The following PCNT variants were observed in gnomAD, a reference collection of about 807,000 sequenced individuals.
PCNT encodes pericentrin, also known as kendrin.
Under a neutral mutation model 380.4 loss-of-function variants are expected in PCNT, and 319 were observed. That is an observed-to-expected ratio of 0.84 (90% confidence interval 0.77 to 0.92). PCNT has a LOEUF of 0.92. PCNT is among the 40% of genes least tolerant of loss of function. PCNT has a pLI of 0.00. For missense variants in PCNT, 4,400 were observed against 4,255.3 expected (o/e 1.03, Z -0.95); for synonymous variants, 1,845 against 1,735.2 (o/e 1.06, Z -1.57).
intron 37 of PCNT, 88 bp downstream of exon 37, chr21:46,430,745 G>C: frequency 6.5e-7 from 1 of 1,544,244 alleles, no homozygotes; most frequent in South Asian, 1.2e-5. Context: ...TTCTTTTCCT[G>C]TTCTTCATGG....
intron 32 of PCNT, among the ~76,000 whole-genome samples, chr21:46,424,042 C>T (rs1396433972): frequency 6.6e-6 from 1 of 152,152 alleles, no homozygotes; most frequent in African/African-American, 2.4e-5. Context: ...ACACTGACGC[C>T]GCAGTGGGGA....
Position 46,401,711 on chromosome 21 carries a change from G to A in PCNT, c.4952G>A (p.Arg1651His), listed in dbSNP as rs908322773. The change falls in exon 26 of 47, where the codon CGC (arginine) becomes CAC (histidine). Residue 1651 changes from arginine to histidine, a missense_variant. By Grantham distance (29) the Arg-to-His change is conservative (BLOSUM62 0). Coordinates refer to ENST00000359568, the MANE Select transcript of PCNT (RefSeq NM_006031.6). ...GTGACACAGAGAGCACTCCTGCGGC[G>A]CGAGAGCGAGGTGAGTGCAGAGTGG... ...LEVTQRALLR[R>H]ESEVLDLKEQ... The A allele has an allele frequency of 1.2e-5, 20 of 1,614,004 alleles. No individual in the cohort carries two copies. Among genetic ancestry groups the A allele is most frequent in the South Asian group, 4.4e-5 (4 of 91,068 alleles).
At chr21:46,412,714 A>T in intron 28 of PCNT, 123 bp from the exon 29 acceptor site, 1 of 1,025,732 alleles carries the variant, frequency 9.7e-7, no homozygotes, top group Non-Finnish European at 1.5e-6. Context: ...TGTGGATGTC[A>T]CTGCCACCTC....
intron 31 of PCNT, among the ~76,000 whole-genome samples, chr21:46,420,143 T>C (rs1745733470): frequency 1.3e-5 from 2 of 151,910 alleles, no homozygotes; most frequent in Non-Finnish European, 2.9e-5. Flanking sequence ...CCTCTGTGCC[T>C]GCGCCCTCCA....
chr21:46,413,264 TG>T lies in PCNT; in HGVS notation c.6150+275del, dbSNP rs1569272584. Among the ~76,000 whole-genome samples, 15 of 106,308 alleles carry T rather than the reference TG, an allele frequency of 1.4e-4. 1 individual carries two copies. The highest frequency in any genetic ancestry group is 7.1e-4 in the African/African-American group (15 of 21,050). The allele number at this position is 106,308 out of a possible 152,430, so 69.7% of individuals were successfully genotyped here. A position where few individuals can be genotyped will look rare whatever the true frequency, so the allele number is the denominator to read the frequency against. On this transcript the variant is annotated intron_variant, in intron 29 of 46. Coordinates refer to ENST00000359568, the MANE Select transcript of PCNT (RefSeq NM_006031.6). ...GGAGGGGGAAGGCGTGAGGCCCCCC[TG>T]GGAGAGGCTGGACACGCGGCAGCAA...
chr21:46,349,594 A>C, intron 7 of PCNT, 90 bp from the exon 8 acceptor site: 1 of 1,394,216 alleles, frequency 7.2e-7, no homozygotes, highest in Non-Finnish European at 1.0e-6. Context: ...TCTGGGTGGC[A>C]GCGCTCTGGG....
intron 2 of PCNT, among the ~76,000 whole-genome samples, chr21:46,328,049 G>A (rs1191873296): frequency 6.6e-6 from 1 of 152,226 alleles, no homozygotes; most frequent in Non-Finnish European, 1.5e-5. Flanking sequence ...TGCTGCAGCA[G>A]AATGGGTGCA....
chr21:46,390,835 G>A lies in PCNT; in HGVS notation c.4003+3G>A. ...GCTGGAGCTGCACAAGACTCAGGGT[G>A]AGCAGCATGAGGCCTCGGGGCACCT... On this transcript the variant is annotated splice_donor_region_variant and intron_variant, in intron 20 of 46. Transcript: ENST00000359568. 5 of 1,606,938 alleles carry A rather than the reference G, an allele frequency of 3.1e-6. No individual in the cohort carries two copies. Among genetic ancestry groups the A allele is most frequent in the South Asian group, 1.1e-5 (1 of 90,326 alleles).
At chr21:46,412,158 G>C in intron 28 of PCNT, 91 bp downstream of exon 28, 3 of 1,420,908 alleles carry the variant, frequency 2.1e-6, no homozygotes, top group Non-Finnish European at 2.9e-6. Context: ...GCTGGGCACT[G>C]GGGGCTGCAG....
At chr21:46,414,078 G>GGACACACAGCCGCCCACTCT (rs2086912603) in intron 29 of PCNT, among the ~76,000 whole-genome samples, 1 of 150,516 alleles carries the variant, frequency 6.6e-6, no homozygotes, top group African/African-American at 2.4e-5. Context: ...TGCAACCTCT[G>GGACACACAGCCGCCCACTCT]CCTCCCGAGT....
Position 46,366,884 on chromosome 21 carries a change from T to A in PCNT, c.2910T>A (p.Ser970=). 1.2e-6 allele frequency: 2 copies of A among 1,614,184 alleles called. No homozygotes were observed. The highest frequency in any genetic ancestry group is 1.7e-6 in the Non-Finnish European group (2 of 1,180,044). ...LETRHLSSLD[S]LESCYLSEFQ... is the part of the protein sequence containing the mutation. ...CCAGACATCTGTCCAGCCTTGATTC[T>A]TTGGAATCCTGTTACCTCTCTGAAT... Residue 970 remains serine (S), a synonymous_variant, in exon 15 of 47, where the codon TCT becomes TCA. Transcript: ENST00000359568.
intron 13 of PCNT, among the ~76,000 whole-genome samples, chr21:46,361,531 C>A (rs2084716508): frequency 1.3e-5 from 2 of 152,220 alleles, no homozygotes; most frequent in African/African-American, 4.8e-5. Context: ...CCTTCGTCTT[C>A]TGTGCTGCAG....
intron 13 of PCNT, among the ~76,000 whole-genome samples, chr21:46,358,394 T>C (rs1226111986): frequency 6.6e-6 from 1 of 152,230 alleles, no homozygotes; most frequent in African/African-American, 2.4e-5. Context: ...TAGGAAGCTA[T>C]GATGACCTGC....
In PCNT at chr21:46,381,748, C is replaced by T. The variant is rs200174202; in HGVS notation, c.3220C>T (p.Arg1074Trp). 122 of 1,614,012 alleles carry T rather than the reference C, an allele frequency of 7.6e-5. 1 individual carries two copies. The East Asian group carries it at 1.1e-3, about 15-fold the overall frequency. ...TTTGCATGAAAAAGAGGAGACACTT[C>T]GGCTTCAGAGTGCACAGGCACAGCC... ...TALHEKEETL[R>W]LQSAQAQPFH... is the part of the protein sequence containing the mutation. The change falls in exon 16 of 47, where the codon CGG becomes TGG. Residue 1074 changes from arginine (R) to tryptophan (W), a missense_variant. Physicochemically the swap from Arg to Trp is moderately radical, Grantham distance 101. Transcript: ENST00000359568.
intron 18 of PCNT, 137 bp from the exon 19 acceptor site, chr21:46,389,062 C>T: frequency 7.9e-7 from 1 of 1,265,694 alleles, no homozygotes; most frequent in Non-Finnish European, 1.1e-6. Context: ...AATTTGTCAG[C>T]TCCCGTGGAC....
intron 11 of PCNT, 66 bp from the exon 12 acceptor site, chr21:46,355,386 G>C (rs1226340673): frequency 2.6e-6 from 4 of 1,514,810 alleles, no homozygotes; most frequent in Non-Finnish European, 2.7e-6. Context: ...ACACCTTTGA[G>C]GGTTATAGCT....
At chr21:46,363,380 G>T in intron 13 of PCNT, 100 bp from the exon 14 acceptor site, 1 of 845,618 alleles carries the variant, frequency 1.2e-6, no homozygotes. Context: ...GTGTGTGTGT[G>T]GTGAAAATTC....
At chr21:46,399,509 G>T in intron 24 of PCNT, 81 bp from the exon 25 acceptor site, 2 of 1,061,620 alleles carry the variant, frequency 1.9e-6, no homozygotes, top group South Asian at 1.3e-5. Flanking sequence ...TGTCTCTGTT[G>T]TTTTGGGTAC....
intron 27 of PCNT, among the ~76,000 whole-genome samples, chr21:46,409,793 C>T (rs1197518610): frequency 1.3e-5 from 2 of 151,936 alleles, no homozygotes; most frequent in African/African-American, 2.4e-5. Flanking sequence ...CAGGGTGCAC[C>T]GTGTCGGCCA....
Sources: allele counts gnomAD v4.1 joint callset (sites outside exome capture counted in the v4.1 genomes callset), GRCh38; gene constraint gnomAD v4.1.1; transcripts MANE v1.5; gene names NCBI Gene and HGNC (gene_info 2026-07-23, HGNC 2026-07-21).